The following SLC9A5 variants were observed in gnomAD, a reference collection of about 807,000 sequenced individuals.
SLC9A5 encodes sodium/hydrogen exchanger 5.
A neutral mutation model predicts 91.7 loss-of-function variants in SLC9A5; 52 were observed. The observed-to-expected ratio is 0.57, with a 90% CI of 0.45 to 0.71. SLC9A5 has a LOEUF of 0.71. SLC9A5 is among the 30% of genes least tolerant of loss of function. SLC9A5 has a pLI of 0.00. For synonymous variants in SLC9A5, 419 were observed against 474.5 expected (o/e 0.88, Z 1.52); for missense variants, 871 against 1,158.9 (o/e 0.75, Z 3.61).
At position 67,255,828 on chromosome 16, in the gene SLC9A5, G is replaced by A. The variant is rs1217222716; in HGVS notation, c.809G>A (p.Arg270His). 5.0e-6 allele frequency: 8 copies of A among 1,609,952 alleles called. No individual in the cohort carries two copies. The highest frequency in any genetic ancestry group is 2.2e-5 in the East Asian group (1 of 44,856). The stretch of plus-strand genomic sequence containing the variant: ...GCCTTCCTCCTGGCCCTGACCACAC[G>A]CTTCACCAAGCGGGTCCGCATCATC... Reference protein sequence around the residue: ...VFAFLLALTTRFTKRVRIIEP... With the variant: ...VFAFLLALTTHFTKRVRIIEP... The change falls in exon 5 of 16, where the codon CGC (arginine) becomes CAC (histidine). Residue 270 changes from arginine to histidine, a missense_variant. Physicochemically the swap from Arg to His is conservative, Grantham distance 29 (BLOSUM62 0). Around this residue, in one of 3 missense-constraint regions of SLC9A5, gnomAD observed 454 missense variants for 718.3 expected, o/e 0.63. Transcript: ENST00000299798. This position sits in a 1 kb window ranked among gnomAD's most constrained non-coding sequence, Gnocchi z 4.9.
In SLC9A5 at chr16:67,270,246, C is replaced by T. The variant is rs750913794; in HGVS notation, c.2219-492C>T. ...TTTCACCCAGGCTGGAGTGCAGTGG[C>T]GAGATCTCGGCTCATTGCAACCTCT... On this transcript the variant is annotated intron_variant, in intron 15 of 15. Transcript: ENST00000299798. The surrounding 1 kb of genome is among the most constrained non-coding windows in gnomAD (Gnocchi z 4.3). Among the ~76,000 whole-genome samples, 113 of 152,084 alleles carry T rather than the reference C, an allele frequency of 7.4e-4. No individual in the cohort carries two copies. The highest frequency in any genetic ancestry group is 1.4e-3 in the Non-Finnish European group (93 of 67,986).
In SLC9A5 at chr16:67,252,770, C is replaced by T; in HGVS notation, c.416C>T (p.Ala139Val). The change falls in exon 2 of 16, where the codon GCC becomes GTC. Residue 139 changes from alanine (A) to valine (V), a missense_variant. Coordinates refer to ENST00000299798, the MANE Select transcript of SLC9A5 (RefSeq NM_004594.3). The surrounding 1 kb of genome is among the most constrained non-coding windows in gnomAD (Gnocchi z 4.0). The part of the protein sequence containing the change: ...FDNLGAILTY[A>V]VVGTLWNAFT... ...AACTTGGGTGCCATCCTCACCTATG[C>T]CGTGGTAGGCACACTCTGGAATGCC... 1 of 1,614,080 alleles carries T rather than the reference C, an allele frequency of 6.2e-7. No individual in the cohort carries two copies. Among genetic ancestry groups the T allele is most frequent in the Non-Finnish European group, 8.5e-7 (1 of 1,180,012 alleles).
intron 15 of SLC9A5, among the ~76,000 whole-genome samples, chr16:67,268,695 TATATATATATATATA>T (rs1567421634): frequency 7.6e-5 from 7 of 91,620 alleles, no homozygotes; most frequent in Non-Finnish European, 1.1e-4. Flanking sequence ...TATATATATA[TATATATATATATATA>T]TTTTTACAGT....
chr16:67,259,823 G>A lies in SLC9A5; in HGVS notation c.1719G>A (p.Arg573=), dbSNP rs371607263. 5.0e-6 allele frequency: 8 copies of A among 1,613,974 alleles called. No individual in the cohort carries two copies. The highest frequency in any genetic ancestry group is 6.8e-6 in the Non-Finnish European group (8 of 1,179,972). The stretch of plus-strand genomic sequence containing the variant: ...ATGTGTCCCCTGCCTCCTGCAGGAG[G>A]GAGAGTGGCAGTGGAGCGTGTCTGG... The part of the protein sequence containing the change: ...VAETSVTNLL[R]ESGSGACLDL... The change falls in exon 12 of 16, where the codon AGG becomes AGA. Residue 573 remains arginine, a synonymous_variant. Coordinates refer to ENST00000299798, the MANE Select transcript of SLC9A5 (RefSeq NM_004594.3).
chr16:67,249,432 C>G (rs747437336), intron 1 of SLC9A5, among the ~76,000 whole-genome samples: 1 of 152,176 alleles, frequency 6.6e-6, no homozygotes, highest in Non-Finnish European at 1.5e-5. Context: ...AAGGGCTGTC[C>G]CCCGCTCTCC....
At chr16:67,262,588 G>C (rs1258817118) in intron 12 of SLC9A5, 3 of 285,480 alleles carry the variant, frequency 1.1e-5, no homozygotes, top group Non-Finnish European at 2.1e-5. Flanking sequence ...AAGTTCCCCA[G>C]GTGATTCAAA....
In SLC9A5 at chr16:67,255,729, G is replaced by A; in HGVS notation, c.734-24G>A. ...GGGTAGGGTCCGGGCCAGGGGTCAT[G>A]CTGACAACCCACTCCTCCCCCAGCC... On this transcript the variant is annotated intron_variant, in intron 4 of 15. Transcript: ENST00000299798. The surrounding 1 kb of genome is among the most constrained non-coding windows in gnomAD (Gnocchi z 4.9). The A allele has an allele frequency of 6.5e-7, 1 of 1,542,098 alleles. No individual in the cohort carries two copies. The highest frequency in any genetic ancestry group is 8.8e-7 in the Non-Finnish European group (1 of 1,142,126).
rs1201165201 is a variant in SLC9A5, at chr16:67,262,169, T to C, written c.1843-2183T>C. The C allele has an allele frequency of 1.2e-5, 5 of 412,664 alleles. No individual in the cohort carries two copies. In the East Asian group the frequency reaches 3.7e-4, roughly 30 times the overall value. The allele number at this position is 412,664 out of a possible 1,614,324, so 25.6% of individuals were successfully genotyped here. The stretch of plus-strand genomic sequence containing the variant: ...ATCATCTGAAAATTTGTTAAGCCTG[T>C]TAACTTTGTATTCATCCAAATCCAC... On this transcript the variant is annotated intron_variant, in intron 12 of 15. Coordinates refer to ENST00000299798, the MANE Select transcript of SLC9A5 (RefSeq NM_004594.3).
At position 67,257,002 on chromosome 16, in the gene SLC9A5, G is replaced by A; in HGVS notation, c.1224G>A (p.Arg408=). The A allele has an allele frequency of 6.2e-7, 1 of 1,614,096 alleles. No individual in the cohort carries two copies. The highest frequency in any genetic ancestry group is 1.7e-5 in the Admixed American group (1 of 60,022). ...DQVVMSYGGL[R]GAVAFALVIL... ...TGGTGATGTCCTATGGGGGCCTGCG[G>A]GGGGCTGTGGCCTTTGCTCTCGTCA... The change falls in exon 7 of 16, where the codon CGG becomes CGA. Residue 408 remains arginine (R), a synonymous_variant. Coordinates refer to ENST00000299798, the MANE Select transcript of SLC9A5 (RefSeq NM_004594.3). This position sits in a 1 kb window ranked among gnomAD's most constrained non-coding sequence, Gnocchi z 5.1.
Position 67,256,374 on chromosome 16 carries a change from A to G in SLC9A5, c.912-95A>G. On this transcript the variant is annotated intron_variant, in intron 5 of 15. Coordinates refer to ENST00000299798, the MANE Select transcript of SLC9A5 (RefSeq NM_004594.3). This position sits in a 1 kb window ranked among gnomAD's most constrained non-coding sequence, Gnocchi z 4.1. ...AGCTCTGAGAGTCTGACATCCTGTA[A>G]TGGGCAATGCCCCCTCCTGCAGTAT... is the stretch of plus-strand genomic sequence containing the variant. 2 of 837,588 alleles carry G rather than the reference A, an allele frequency of 2.4e-6. No individual in the cohort carries two copies. The highest frequency in any genetic ancestry group is 2.5e-5 in the East Asian group (1 of 40,690). 51.9% of individuals were successfully genotyped at this position (837,588 alleles called of 1,614,324 possible). A position where few individuals can be genotyped will look rare whatever the true frequency, so the allele number is the denominator to read the frequency against.
Position 67,257,229 on chromosome 16 carries a change from C to G in SLC9A5, c.1335+116C>G. On this transcript the variant is annotated intron_variant, in intron 7 of 15. Transcript: ENST00000299798. The surrounding 1 kb of genome is among the most constrained non-coding windows in gnomAD (Gnocchi z 5.1). ...TGGGAGATGGAGGGCCCTGACTTCC[C>G]AGACCTTGAGTGCAGTGGGGTAGGG... The G allele has an allele frequency of 7.2e-7, 1 of 1,388,294 alleles. No homozygotes were observed. 86.0% of individuals were successfully genotyped at this position (1,388,294 alleles called of 1,614,324 possible).
intron 12 of SLC9A5, chr16:67,262,673 A>G (rs896044986): frequency 9.3e-6 from 2 of 215,046 alleles, no homozygotes; most frequent in South Asian, 7.6e-5. Flanking sequence ...GAGAGAATGG[A>G]TAAGTTCTCT....
At chr16:67,264,300 G>A in intron 12 of SLC9A5, 52 bp from the exon 13 acceptor site, 1 of 1,567,556 alleles carries the variant, frequency 6.4e-7, no homozygotes. Context: ...TGGGGTTCTT[G>A]TGGGAGGCCA....
chr16:67,264,721 G>A (rs1210537867), intron 13 of SLC9A5, among the ~76,000 whole-genome samples, 199 bp downstream of exon 13: 1 of 152,192 alleles, frequency 6.6e-6, no homozygotes, highest in Non-Finnish European at 1.5e-5. Flanking sequence ...CAGAGGGGGA[G>A]CAGCCTCTTG....
At position 67,259,435 on chromosome 16, in the gene SLC9A5, A is replaced by G. The variant is rs1014866359; in HGVS notation, c.1627-138A>G. 1.5e-5 allele frequency: 9 copies of G among 612,508 alleles called. No homozygotes were observed. The Middle Eastern group carries it at 1.1e-3, about 72-fold the overall frequency. The allele number at this position is 612,508 out of a possible 1,614,324, so 37.9% of individuals were successfully genotyped here. ...ATGTTATAGATTTTGTGAATTCGAT[A>G]TGTAAAGTGCCTAGCAGAGTACCTG... On this transcript the variant is annotated intron_variant, in intron 10 of 15. Coordinates refer to ENST00000299798, the MANE Select transcript of SLC9A5 (RefSeq NM_004594.3).
chr16:67,258,381 C>T lies in SLC9A5; in HGVS notation c.1560C>T (p.Ile520=), dbSNP rs766263026. The T allele has an allele frequency of 5.6e-6, 9 of 1,614,044 alleles. No individual in the cohort carries two copies. Among genetic ancestry groups the T allele is most frequent in the Non-Finnish European group, 5.9e-6 (7 of 1,180,028 alleles). ...TGATGCGACGATCAGCCTACCGCATCCGGGACCAGATCTGGGATGTGTACT... is the reference window on the plus strand; with the variant it reads ...TGATGCGACGATCAGCCTACCGCATTCGGGACCAGATCTGGGATGTGTACT... ...QLLMRRSAYR[I]RDQIWDVYYR... Residue 520 remains isoleucine (I), a synonymous_variant, in exon 10 of 16, where the codon ATC becomes ATT. Coordinates refer to ENST00000299798, the MANE Select transcript of SLC9A5 (RefSeq NM_004594.3). The surrounding 1 kb of genome is among the most constrained non-coding windows in gnomAD (Gnocchi z 4.5).
chr16:67,271,048 G>C lies in SLC9A5; in HGVS notation c.2529G>C (p.Pro843=). 1 of 1,612,098 alleles carries C rather than the reference G, an allele frequency of 6.2e-7. No individual in the cohort carries two copies. Among genetic ancestry groups the C allele is most frequent in the Non-Finnish European group, 8.5e-7 (1 of 1,178,650 alleles). Residue 843 remains proline (P), a synonymous_variant, in exon 16 of 16, where the codon CCG becomes CCC. Coordinates refer to ENST00000299798, the MANE Select transcript of SLC9A5 (RefSeq NM_004594.3). ...CACGCTCTAGCTTCGCCTTCCCACCGAGCCTGGCCAAGGCTGGCCGCTCTC... is the reference window on the plus strand; with the variant it reads ...CACGCTCTAGCTTCGCCTTCCCACCCAGCCTGGCCAAGGCTGGCCGCTCTC... ...SDPRSSFAFP[P]SLAKAGRSRS... is the part of the protein sequence containing the mutation.
intron 12 of SLC9A5, chr16:67,261,940 G>A: frequency 4.2e-6 from 1 of 236,948 alleles, no homozygotes. Context: ...GTGTGTGTGT[G>A]TGTGTGTGTG....
chr16:67,271,284 G>C lies in SLC9A5; in HGVS notation c.*74G>C, dbSNP rs769093399. On this transcript the variant is annotated 3_prime_UTR_variant, in exon 16 of 16. Transcript: ENST00000299798. Reference sequence around the variant, plus strand: ...TCCCTGGGTGATGGGTAGAGCCCTCGAAACTTGACATGGGGCCAGAAGGGC... The same window carrying C: ...TCCCTGGGTGATGGGTAGAGCCCTCCAAACTTGACATGGGGCCAGAAGGGC... 2 of 1,330,730 alleles carry C rather than the reference G, an allele frequency of 1.5e-6. No individual in the cohort carries two copies. The highest frequency in any genetic ancestry group is 5.0e-5 in the East Asian group (2 of 40,168). 82.4% of individuals were successfully genotyped at this position (1,330,730 alleles called of 1,614,324 possible).
Sources: allele counts gnomAD v4.1 joint callset (sites outside exome capture counted in the v4.1 genomes callset), GRCh38; gene constraint gnomAD v4.1.1; regional missense constraint gnomAD v4.1.1; non-coding constraint Gnocchi (gnomAD v3.1); transcripts MANE v1.5; gene names NCBI Gene and HGNC (gene_info 2026-07-23, HGNC 2026-07-21).